TNFAIP8: variants seen among roughly 807,000 people sequenced by gnomAD.
TNFAIP8 encodes the protein TNF alpha induced protein 8.
In TNFAIP8, 7 loss-of-function variants were observed where a neutral mutation model predicts 13.3. The observed-to-expected ratio is 0.52, with a 90% CI of 0.30 to 0.99. TNFAIP8 has a LOEUF of 0.99. Among genes scored for constraint, TNFAIP8 ranks in the 50% least tolerant of loss-of-function variants. The pLI, the probability that TNFAIP8 is intolerant of heterozygous loss-of-function variation, is 0.07. For synonymous variants in TNFAIP8, 94 were observed against 87.6 expected (o/e 1.07, Z -0.41); for missense variants, 258 against 236.9 (o/e 1.09, Z -0.58).
chr5:119,393,076 T>C lies in TNFAIP8; in HGVS notation c.292T>C (p.Leu98=), dbSNP rs770053043. Residue 98 remains leucine (L), a synonymous_variant, in exon 2 of 2, where the codon TTG becomes CTG. Transcript: ENST00000504771. ...NNQFNQDELA[L]MEKFKKKVHQ... Reference sequence around the variant, plus strand: ...TCAGTTTAATCAAGATGAGCTAGCATTGATGGAGAAATTTAAGAAGAAAGT... The same window carrying C: ...TCAGTTTAATCAAGATGAGCTAGCACTGATGGAGAAATTTAAGAAGAAAGT... 7.3e-5 allele frequency: 118 copies of C among 1,613,814 alleles called. No homozygotes were observed. Among genetic ancestry groups the C allele is most frequent in the Non-Finnish European group, 9.6e-5 (113 of 1,179,854 alleles).
intron 1 of TNFAIP8, among the ~76,000 whole-genome samples, chr5:119,292,199 G>C (rs925667405): frequency 6.6e-6 from 1 of 152,216 alleles, no homozygotes; most frequent in Non-Finnish European, 1.5e-5. Flanking sequence ...CTTGAGAAGG[G>C]AAGTTCCCTA....
intron 1 of TNFAIP8, among the ~76,000 whole-genome samples, chr5:119,342,037 T>C (rs1750755657): frequency 6.6e-6 from 1 of 152,014 alleles, no homozygotes; most frequent in East Asian, 1.9e-4. Context: ...TGCCCTCTAG[T>C]CCTCATCTCT....
chr5:119,282,073 A>T (rs1434577450), intron 1 of TNFAIP8, among the ~76,000 whole-genome samples: 1 of 152,210 alleles, frequency 6.6e-6, no homozygotes, highest in East Asian at 1.9e-4. Flanking sequence ...TTTTCAGAGT[A>T]TCAACTATAT....
At chr5:119,281,306 A>ACACACACACACACACACACTCTCT in intron 1 of TNFAIP8, among the ~76,000 whole-genome samples, 2,087 of 114,194 alleles carry the variant, frequency 0.018, 35 homozygotes, top group African/African-American at 0.023. Context: ...ACACACACAC[A>ACACACACACACACACACACTCTCT]CTCTCTCTCT....
intron 1 of TNFAIP8, among the ~76,000 whole-genome samples, chr5:119,297,136 G>T (rs988301216): frequency 6.6e-6 from 1 of 151,992 alleles, no homozygotes; most frequent in Admixed American, 6.6e-5. Flanking sequence ...GTTATGTCTT[G>T]CCTTCTGCTA....
At chr5:119,350,989 G>A (rs1751110078) in intron 1 of TNFAIP8, among the ~76,000 whole-genome samples, 1 of 129,998 alleles carries the variant, frequency 7.7e-6, no homozygotes, top group Non-Finnish European at 1.6e-5. Flanking sequence ...TAGAGAGAGG[G>A]GTCTCACTCT....
intron 1 of TNFAIP8, among the ~76,000 whole-genome samples, chr5:119,324,156 T>A (rs1171640938): frequency 6.6e-6 from 1 of 151,296 alleles, no homozygotes; most frequent in Non-Finnish European, 1.5e-5. Context: ...GTGTCTATAA[T>A]CCCAGCTACT....
At chr5:119,357,185 CT>C (rs916052241) in intron 1 of TNFAIP8, among the ~76,000 whole-genome samples, 1 of 152,056 alleles carries the variant, frequency 6.6e-6, no homozygotes, top group Non-Finnish European at 1.5e-5. Context: ...TCACGTTTAC[CT>C]TATTATGCTG....
chr5:119,299,819 G>A (rs528567247), intron 1 of TNFAIP8, among the ~76,000 whole-genome samples: 2 of 152,296 alleles, frequency 1.3e-5, no homozygotes, highest in South Asian at 2.1e-4. Context: ...AATGGCGGGC[G>A]CCCTTCCCCC....
At chr5:119,362,791 CAAAAAAAA>C (rs759223485) in intron 1 of TNFAIP8, among the ~76,000 whole-genome samples, 1 of 130,390 alleles carries the variant, frequency 7.7e-6, no homozygotes, top group Non-Finnish European at 1.7e-5. Context: ...GATTCTGTCT[CAAAAAAAA>C]AAAAAGAAAA....
chr5:119,300,259 C>T (rs149701406), intron 1 of TNFAIP8, among the ~76,000 whole-genome samples: 1 of 152,338 alleles, frequency 6.6e-6, no homozygotes, highest in East Asian at 1.9e-4. Context: ...TTGGCTGCCA[C>T]CCCCAGTACC....
intron 1 of TNFAIP8, among the ~76,000 whole-genome samples, chr5:119,280,513 C>T (rs1031070655): frequency 4.6e-5 from 7 of 152,128 alleles, no homozygotes; most frequent in East Asian, 1.9e-4. Context: ...TACTGCTTTT[C>T]CCTCTGTTTC....
In TNFAIP8 at chr5:119,384,984, A is replaced by T. The variant is rs144231149; in HGVS notation, c.32-7832A>T. Among the ~76,000 whole-genome samples, 1,215 of 152,284 alleles carry T rather than the reference A, an allele frequency of 8.0e-3. 18 individuals are homozygous for T. Among genetic ancestry groups the T allele is most frequent in the Middle Eastern group, 0.014 (4 of 294 alleles). On this transcript the variant is annotated intron_variant, in intron 1 of 1. Coordinates refer to ENST00000504771, the MANE Select transcript of TNFAIP8 (RefSeq NM_014350.4). Reference sequence around the variant, plus strand: ...ATACACGGTTGAACTCAAAATCATGATGAAGAGATTCCAGAATTAAAGCCT... The same window carrying T: ...ATACACGGTTGAACTCAAAATCATGTTGAAGAGATTCCAGAATTAAAGCCT...
intron 1 of TNFAIP8, among the ~76,000 whole-genome samples, chr5:119,392,473 C>G (rs967642930): frequency 6.6e-6 from 1 of 152,094 alleles, no homozygotes; most frequent in African/African-American, 2.4e-5. Context: ...TCACTGCAGC[C>G]TCCGCCTCCT....
chr5:119,304,384 C>CT (rs1561992472), intron 1 of TNFAIP8, among the ~76,000 whole-genome samples: 1 of 152,186 alleles, frequency 6.6e-6, no homozygotes, highest in Non-Finnish European at 1.5e-5. Flanking sequence ...AGCTTTGCAG[C>CT]CTCATTTCCT....
chr5:119,289,569 G>A (rs1363309660), intron 1 of TNFAIP8, among the ~76,000 whole-genome samples: 2 of 152,218 alleles, frequency 1.3e-5, no homozygotes, highest in Non-Finnish European at 2.9e-5. Flanking sequence ...GAGGCAGGGT[G>A]CCTGGCACAA....
In TNFAIP8 at chr5:119,393,436, T is replaced by G. The variant is rs1264219044; in HGVS notation, c.*55T>G. ...GATTTATTTGAAGATGGAGCACTGCTGATTTATGAAGGAAAAAAGAAGAAT... is the reference window on the plus strand; with the variant it reads ...GATTTATTTGAAGATGGAGCACTGCGGATTTATGAAGGAAAAAAGAAGAAT... On this transcript the variant is annotated 3_prime_UTR_variant, in exon 2 of 2. Transcript: ENST00000504771. 1 of 1,465,512 alleles carries G rather than the reference T, an allele frequency of 6.8e-7. No individual in the cohort carries two copies. Among genetic ancestry groups the G allele is most frequent in the African/African-American group, 1.4e-5 (1 of 70,594 alleles). The allele number at this position is 1,465,512 out of a possible 1,614,324, so 90.8% of individuals were successfully genotyped here. A position where few individuals can be genotyped will look rare whatever the true frequency, so the allele number is the denominator to read the frequency against.
intron 1 of TNFAIP8, among the ~76,000 whole-genome samples, chr5:119,291,022 T>C (rs1748969231): frequency 6.6e-6 from 1 of 152,204 alleles, no homozygotes; most frequent in African/African-American, 2.4e-5. Context: ...GACATAATCA[T>C]TGGCATATTT....
At chr5:119,333,016 G>A (rs1268609147) in intron 1 of TNFAIP8, among the ~76,000 whole-genome samples, 1 of 150,876 alleles carries the variant, frequency 6.6e-6, no homozygotes, top group African/African-American at 2.4e-5. Context: ...ATTAATAGAC[G>A]TTCATGTTTA....
Sources: allele counts gnomAD v4.1 joint callset (sites outside exome capture counted in the v4.1 genomes callset), GRCh38; gene constraint gnomAD v4.1.1; transcripts MANE v1.5; gene names NCBI Gene and HGNC (gene_info 2026-07-23, HGNC 2026-07-21).